The following BEGAIN variants were observed in gnomAD, a reference collection of about 807,000 sequenced individuals.
BEGAIN encodes brain-enriched guanylate kinase-associated protein.
Under a neutral mutation model 35.8 loss-of-function variants are expected in BEGAIN, and 19 were observed. That is an observed-to-expected ratio of 0.53 (90% CI 0.37 to 0.78). The LOEUF (loss-of-function observed/expected upper bound fraction) is 0.78, where lower values mean the gene tolerates loss of function less well. BEGAIN is among the 30% of genes least tolerant of loss of function. BEGAIN has a pLI of 0.00. For missense variants in BEGAIN, 795 were observed against 853.6 expected, an observed-to-expected ratio of 0.93 and a Z score of 0.85; for synonymous variants, 462 against 388.6, an observed-to-expected ratio of 1.19 and a Z score of -2.22.
At chr14:100,574,295 C>A (rs2035154900) in intron 1 of BEGAIN, among the ~76,000 whole-genome samples, 1 of 152,230 alleles carries the variant, frequency 6.6e-6, no homozygotes, top group South Asian at 2.1e-4. Flanking sequence ...CAAGAATGTC[C>A]TTCCCCTGGG....
At chr14:100,574,147 C>T (rs575166520) in intron 1 of BEGAIN, among the ~76,000 whole-genome samples, 9 of 152,320 alleles carry the variant, frequency 5.9e-5, no homozygotes, top group South Asian at 2.1e-4. Flanking sequence ...CCAGAGCCTC[C>T]GCTGCAGTCC....
chr14:100,559,410 G>A (rs1373919178), intron 2 of BEGAIN, among the ~76,000 whole-genome samples: 4 of 152,222 alleles, frequency 2.6e-5, no homozygotes, highest in African/African-American at 9.7e-5. Flanking sequence ...CAGACAGATG[G>A]CCATGGGCCG....
chr14:100,557,655 C>T (rs2033879350), intron 2 of BEGAIN, among the ~76,000 whole-genome samples: 1 of 152,150 alleles, frequency 6.6e-6, no homozygotes, highest in Non-Finnish European at 1.5e-5. Flanking sequence ...CCACTGGGCT[C>T]CTGCACCCAC....
intron 1 of BEGAIN, among the ~76,000 whole-genome samples, chr14:100,584,037 T>C (rs1306589681): frequency 6.6e-6 from 1 of 152,202 alleles, no homozygotes; most frequent in East Asian, 1.9e-4. Context: ...CGCTGCTCTA[T>C]CCTGCTAGTG....
chr14:100,568,249 C>G lies in BEGAIN; in HGVS notation c.43-310G>C. 7 of 629,980 alleles carry G rather than the reference C, an allele frequency of 1.1e-5. No homozygotes were observed. Among genetic ancestry groups the G allele is most frequent in the Non-Finnish European group, 1.6e-5 (7 of 448,738 alleles). 39.0% of individuals were successfully genotyped at this position (629,980 alleles called of 1,614,324 possible). On this transcript the variant is annotated intron_variant, in intron 1 of 6. Coordinates refer to ENST00000554140, the MANE Select transcript of BEGAIN (RefSeq NM_001385089.1). The surrounding 1 kb of genome is among the most constrained non-coding windows in gnomAD (Gnocchi z 7.5). ...GGCCAGGGGCGATCTCGGCCTCGCCCGGAGGAGGGGGACTCGGCCTGTCCC... is the reference window on the plus strand; with the variant it reads ...GGCCAGGGGCGATCTCGGCCTCGCCGGGAGGAGGGGGACTCGGCCTGTCCC...
Position 100,539,292 on chromosome 14 carries a change from G to A in BEGAIN, c.516C>T (p.Arg172=), listed in dbSNP as rs535976112. The A allele has an allele frequency of 2.2e-5, 34 of 1,565,848 alleles. No homozygotes were observed. The East Asian group carries it at 2.3e-4, about 10-fold the overall frequency. The part of the protein sequence containing the change: ...VSELPSDFQE[R]VSLHMEKHGC... ...CGTGCTTCTCCATGTGCAGGCTCAC[G>A]CGCTCCTGGAAATCCGAGGGCAGCT... The change falls in exon 7 of 7, where the codon CGC becomes CGT. Residue 172 remains arginine, a synonymous_variant. Transcript: ENST00000554140.
Position 100,567,546 on chromosome 14 carries a change from G to C in BEGAIN, c.71+365C>G, listed in dbSNP as rs1011948628. On this transcript the variant is annotated intron_variant, in intron 2 of 6. Transcript: ENST00000554140. The surrounding 1 kb of genome is among the most constrained non-coding windows in gnomAD (Gnocchi z 5.1). ...AGAGAGCGCCGGGGCAGTGCGGAAC[G>C]GCACGAACGGAACCCGGAGGGTCCC... Among the ~76,000 whole-genome samples the C allele has an allele frequency of 3.5e-4, 53 of 152,124 alleles. No homozygotes were observed. Among genetic ancestry groups the C allele is most frequent in the Non-Finnish European group, 5.9e-4 (40 of 67,936 alleles).
chr14:100,543,302 T>G (rs1033353838), intron 5 of BEGAIN, among the ~76,000 whole-genome samples: 4 of 148,130 alleles, frequency 2.7e-5, no homozygotes, highest in Non-Finnish European at 4.4e-5. Flanking sequence ...GTGTTTTTTT[T>G]TTTGTTTTTT....
At chr14:100,550,385 C>T (rs560802310) in intron 2 of BEGAIN, 190 of 399,046 alleles carry the variant, frequency 4.8e-4, no homozygotes, top group African/African-American at 3.1e-3. Context: ...GACGCAGAGA[C>T]ACCAGGGAGC....
chr14:100,547,977 A>C (rs1356699855), intron 2 of BEGAIN: 2 of 152,114 alleles, frequency 1.3e-5, no homozygotes, highest in African/African-American at 4.8e-5. Context: ...CACACCCAGC[A>C]AGCCTCCAGG....
At position 100,560,921 on chromosome 14, in the gene BEGAIN, CCT is replaced by C. The variant is rs1205920257; in HGVS notation, c.71+6988_71+6989del. 9.2e-5 allele frequency among the ~76,000 whole-genome samples: 14 copies of C among 152,324 alleles called. No individual in the cohort carries two copies. In the East Asian group the frequency reaches 9.7e-4, roughly 11 times the overall value. ...GTCCATCAGGGGATGGAGCATGAGG[CCT>C]CTCTCAGGTTGCTTTGCAGACACGG... On this transcript the variant is annotated intron_variant, in intron 2 of 6. Coordinates refer to ENST00000554140, the MANE Select transcript of BEGAIN (RefSeq NM_001385089.1).
At chr14:100,566,369 A>T (rs2139699488) in intron 2 of BEGAIN, among the ~76,000 whole-genome samples, 1 of 152,332 alleles carries the variant, frequency 6.6e-6, no homozygotes, top group South Asian at 2.1e-4. Flanking sequence ...GGCACACAGG[A>T]ATAGGTGCCG....
At chr14:100,562,131 G>A (rs1401805389) in intron 2 of BEGAIN, among the ~76,000 whole-genome samples, 2 of 152,180 alleles carry the variant, frequency 1.3e-5, no homozygotes, top group African/African-American at 2.4e-5. Flanking sequence ...CGGGAGGGGT[G>A]TGGCCTGCTG....
intron 4 of BEGAIN, 152 bp downstream of exon 4, chr14:100,544,848 C>T (rs1170986389): frequency 1.2e-6 from 1 of 829,750 alleles, no homozygotes; most frequent in African/African-American, 1.7e-5. Context: ...AGCCTGAGAG[C>T]ACACACCCTG....
intron 1 of BEGAIN, chr14:100,577,534 G>T: frequency 5.0e-6 from 2 of 399,182 alleles, no homozygotes; most frequent in Non-Finnish European, 8.8e-6. Context: ...CACTGCAGAG[G>T]GCTCTGGGCT....
chr14:100,543,197 T>C (rs1039037070), intron 5 of BEGAIN, among the ~76,000 whole-genome samples: 4 of 152,210 alleles, frequency 2.6e-5, no homozygotes, highest in African/African-American at 9.7e-5. Context: ...GACTCCCTGG[T>C]ACCGTTCTTC....
At position 100,539,236 on chromosome 14, in the gene BEGAIN, G is replaced by T. The variant is rs538519096; in HGVS notation, c.572C>A (p.Pro191Gln). ...GCSLPSPLCH[P>Q]AYADSVPTCV... Reference sequence around the variant, plus strand: ...GGTGGGGACGCTGTCGGCGTAGGCCGGGTGGCAGAGCGGGGATGGCAGGCT... The same window carrying T: ...GGTGGGGACGCTGTCGGCGTAGGCCTGGTGGCAGAGCGGGGATGGCAGGCT... The change falls in exon 7 of 7, where the codon CCG becomes CAG. Residue 191 changes from proline (P) to glutamine (Q), a missense_variant. This residue lies in a region of BEGAIN where 664 missense variants were observed against 647.7 expected (regional missense o/e 1.03). Transcript: ENST00000554140. 1 of 1,589,024 alleles carries T rather than the reference G, an allele frequency of 6.3e-7. No individual in the cohort carries two copies. Among genetic ancestry groups the T allele is most frequent in the Non-Finnish European group, 8.6e-7 (1 of 1,167,546 alleles).
intron 5 of BEGAIN, among the ~76,000 whole-genome samples, chr14:100,542,779 G>A (rs1189060925): frequency 6.6e-6 from 1 of 152,180 alleles, no homozygotes; most frequent in Admixed American, 6.5e-5. Context: ...GCCTCCTCCT[G>A]ATCTTCCTGC....
intron 5 of BEGAIN, 144 bp from the exon 6 acceptor site, chr14:100,540,723 G>T: frequency 1.6e-6 from 1 of 613,078 alleles, no homozygotes; most frequent in Non-Finnish European, 2.9e-6. Flanking sequence ...TGCTGGCTCC[G>T]GCCCTCTCTG....
Sources: gnomAD v4.1 joint callset for allele counts (sites outside exome capture counted in the v4.1 genomes callset) on GRCh38, gnomAD v4.1.1 for gene constraint, gnomAD v4.1.1 regional missense constraint, Gnocchi (gnomAD v3.1) non-coding constraint, MANE v1.5 for transcripts, NCBI Gene and HGNC (gene_info 2026-07-23, HGNC 2026-07-21) for gene names.